The following RALYL variants were observed in gnomAD, a reference collection of about 807,000 sequenced individuals.
RALYL encodes the protein RNA-binding Raly-like protein.
Under a neutral mutation model 35.1 loss-of-function variants are expected in RALYL, and 29 were observed. That is an observed-to-expected ratio of 0.83 (90% CI 0.61 to 1.13). The LOEUF (loss-of-function observed/expected upper bound fraction) is 1.13, where lower values mean the gene tolerates loss of function less well. Among genes scored for constraint, RALYL ranks in the 50% most tolerant of loss-of-function variants. The pLI, the probability that RALYL is intolerant of heterozygous loss-of-function variation, is 0.00. For missense variants in RALYL, 359 were observed against 360.4 expected (o/e 1.00, Z 0.03); for synonymous variants, 120 against 127.6 (o/e 0.94, Z 0.40).
intron 1 of RALYL, among the ~76,000 whole-genome samples, chr8:84,188,527 C>G (rs537999874): frequency 1.3e-5 from 2 of 152,176 alleles, no homozygotes; most frequent in South Asian, 2.1e-4. Flanking sequence ...ATAAATTTCT[C>G]TTCAGTAATT....
chr8:84,545,369 T>C (rs531641718), intron 2 of RALYL, among the ~76,000 whole-genome samples: 1 of 152,194 alleles, frequency 6.6e-6, no homozygotes, highest in East Asian at 1.9e-4. Flanking sequence ...TCCTACTCCA[T>C]GCTGTTCTCT....
intron 1 of RALYL, among the ~76,000 whole-genome samples, chr8:84,445,124 A>G (rs2048723025): frequency 6.6e-6 from 1 of 152,118 alleles, no homozygotes; most frequent in African/African-American, 2.4e-5. Flanking sequence ...AGATTATCAC[A>G]TTAATTCTCA....
intron 3 of RALYL, among the ~76,000 whole-genome samples, chr8:84,799,731 C>A (rs916144792): frequency 3.3e-5 from 5 of 152,232 alleles, no homozygotes; most frequent in Non-Finnish European, 7.4e-5. Flanking sequence ...CCGAGGCAGG[C>A]GGATCACGAG....
intron 1 of RALYL, among the ~76,000 whole-genome samples, chr8:84,490,321 A>G (rs1156654710): frequency 6.6e-6 from 1 of 152,020 alleles, no homozygotes; most frequent in Admixed American, 6.6e-5. Context: ...ACTTACTCAC[A>G]TAAAGCAAGC....
chr8:84,720,097 TC>T (rs1843620294), intron 2 of RALYL, among the ~76,000 whole-genome samples: 1 of 152,146 alleles, frequency 6.6e-6, no homozygotes, highest in South Asian at 2.1e-4. Flanking sequence ...AGGATTCCAA[TC>T]TTTTTTATGG....
At chr8:84,851,389 G>T (rs1399159476) in intron 5 of RALYL, among the ~76,000 whole-genome samples, 2 of 152,130 alleles carry the variant, frequency 1.3e-5, no homozygotes, top group Non-Finnish European at 2.9e-5. Context: ...ACTAAAATTT[G>T]TGTTGTCGGA....
At chr8:84,194,949 T>C (rs1238256748) in intron 1 of RALYL, among the ~76,000 whole-genome samples, 1 of 151,968 alleles carries the variant, frequency 6.6e-6, no homozygotes, top group African/African-American at 2.4e-5. Flanking sequence ...GTTCAACAGA[T>C]GGAAAAAAGG....
chr8:84,784,417 T>A (rs1457443584), intron 3 of RALYL, among the ~76,000 whole-genome samples: 4 of 152,218 alleles, frequency 2.6e-5, no homozygotes, highest in Non-Finnish European at 5.9e-5. Flanking sequence ...TCTTACAATG[T>A]GAATGATTTT....
At chr8:84,330,435 T>C (rs1183173387) in intron 1 of RALYL, among the ~76,000 whole-genome samples, 3 of 152,076 alleles carry the variant, frequency 2.0e-5, no homozygotes, top group African/African-American at 7.2e-5. Context: ...ATAAATTTGC[T>C]CATCATAGCA....
At chr8:84,468,882 A>G (rs2052206088) in intron 1 of RALYL, among the ~76,000 whole-genome samples, 1 of 151,446 alleles carries the variant, frequency 6.6e-6, no homozygotes, top group African/African-American at 2.4e-5. Flanking sequence ...TTCTCGCTTC[A>G]TTTCATTCAT....
At chr8:84,866,580 TA>T (rs2135133465) in intron 6 of RALYL, among the ~76,000 whole-genome samples, 1 of 152,266 alleles carries the variant, frequency 6.6e-6, no homozygotes, top group African/African-American at 2.4e-5. Flanking sequence ...TGCTGTGCCT[TA>T]GTTTCCTCAT....
At chr8:84,412,090 A>T (rs2044163153) in intron 1 of RALYL, among the ~76,000 whole-genome samples, 1 of 152,122 alleles carries the variant, frequency 6.6e-6, no homozygotes, top group South Asian at 2.1e-4. Flanking sequence ...TCATTATTTC[A>T]GCAAATATCT....
At chr8:84,197,372 T>TA (rs1815581672) in intron 1 of RALYL, among the ~76,000 whole-genome samples, 7 of 152,196 alleles carry the variant, frequency 4.6e-5, no homozygotes, top group Admixed American at 4.6e-4. Flanking sequence ...AATATGGAGT[T>TA]AAAGACATGT....
chr8:84,651,121 A>G (rs966123196), intron 2 of RALYL, among the ~76,000 whole-genome samples: 1 of 152,064 alleles, frequency 6.6e-6, no homozygotes, highest in Non-Finnish European at 1.5e-5. Context: ...ACCTAATGCT[A>G]AATGATGAGT....
At chr8:84,729,999 A>G in intron 2 of RALYL, among the ~76,000 whole-genome samples, 1 of 152,180 alleles carries the variant, frequency 6.6e-6, no homozygotes, top group Non-Finnish European at 1.5e-5. Context: ...ATTCCAATCA[A>G]TAGAAAAAGA....
At chr8:84,849,489 C>T (rs982663882) in intron 4 of RALYL, among the ~76,000 whole-genome samples, 1 of 151,920 alleles carries the variant, frequency 6.6e-6, no homozygotes, top group Admixed American at 6.6e-5. Flanking sequence ...GAAGGGACAA[C>T]TATATGATTA....
At chr8:84,881,664 A>T (rs986137193) in intron 7 of RALYL, among the ~76,000 whole-genome samples, 1 of 152,004 alleles carries the variant, frequency 6.6e-6, no homozygotes, top group Non-Finnish European at 1.5e-5. Flanking sequence ...ATTTAATATT[A>T]AATTCTTTTC....
intron 1 of RALYL, among the ~76,000 whole-genome samples, chr8:84,524,650 C>T (rs1457505420): frequency 6.6e-6 from 1 of 152,042 alleles, no homozygotes; most frequent in Non-Finnish European, 1.5e-5. Flanking sequence ...TTTGAGCTGC[C>T]TTTAATTTAT....
Position 84,607,430 on chromosome 8 carries a change from A to G in RALYL, c.256+77853A>G, listed in dbSNP as rs182543603. 6.6e-4 allele frequency among the ~76,000 whole-genome samples: 100 copies of G among 152,330 alleles called. No individual in the cohort carries two copies. In the East Asian group the frequency reaches 0.018, roughly 27 times the overall value. On this transcript the variant is annotated intron_variant, in intron 2 of 8. Coordinates refer to ENST00000521268, the MANE Select transcript of RALYL (RefSeq NM_173848.7). ...TTAAACTGTGAGTTAGAGAAAAATCAGCAAAATATTTAGCAAAATCGTAAT... is the reference window on the plus strand; with the variant it reads ...TTAAACTGTGAGTTAGAGAAAAATCGGCAAAATATTTAGCAAAATCGTAAT...
Sources: gnomAD v4.1 joint callset for allele counts (sites outside exome capture counted in the v4.1 genomes callset) on GRCh38, gnomAD v4.1.1 for gene constraint, MANE v1.5 for transcripts, NCBI Gene and HGNC (gene_info 2026-07-23, HGNC 2026-07-21) for gene names.